ABCC1: variants seen among roughly 807,000 people sequenced by gnomAD.
ABCC1 encodes ATP binding cassette subfamily C member 1 (ABCC1 blood group).
A neutral mutation model predicts 172.9 loss-of-function variants in ABCC1; 83 were observed. That is an observed-to-expected ratio of 0.48 (90% CI 0.40 to 0.58). The LOEUF is 0.58. ABCC1 is among the 20% of genes least tolerant of loss of function. The pLI is 0.00. For missense variants in ABCC1, 1,817 were observed against 2,002.7 expected (o/e 0.91, Z 1.77); for synonymous variants, 937 against 825.2 (o/e 1.14, Z -2.32).
At chr16:15,995,425 A>G (rs1441027136) in intron 1 of ABCC1, among the ~76,000 whole-genome samples, 1 of 152,118 alleles carries the variant, frequency 6.6e-6, no homozygotes, top group Non-Finnish European at 1.5e-5. Flanking sequence ...TGTCTACCTG[A>G]TAAAGAACTA....
intron 21 of ABCC1, among the ~76,000 whole-genome samples, chr16:16,109,295 G>C (rs2052284027): frequency 6.6e-6 from 1 of 152,092 alleles, no homozygotes; most frequent in Non-Finnish European, 1.5e-5. Context: ...TCCTAGCTCA[G>C]CTTCCTGAGT....
At chr16:16,117,612 A>T (rs1040768953) in intron 23 of ABCC1, among the ~76,000 whole-genome samples, 7 of 152,138 alleles carry the variant, frequency 4.6e-5, no homozygotes, top group Admixed American at 1.3e-4. Context: ...CCCAGCAAAA[A>T]CTTTCAGTTG....
intron 5 of ABCC1, among the ~76,000 whole-genome samples, chr16:16,024,584 C>T (rs1246563725): frequency 6.6e-6 from 1 of 152,170 alleles, no homozygotes; most frequent in African/African-American, 2.4e-5. Flanking sequence ...AACTCCTGAG[C>T]TCAAGTGATG....
At chr16:16,000,870 A>G (rs969285358) in intron 1 of ABCC1, among the ~76,000 whole-genome samples, 3 of 152,196 alleles carry the variant, frequency 2.0e-5, no homozygotes, top group Non-Finnish European at 4.4e-5. Context: ...GAAGCTTTTT[A>G]AATGAGGTAC....
At chr16:16,015,130 A>ATTT (rs2047946907) in intron 4 of ABCC1, among the ~76,000 whole-genome samples, 22 of 88,998 alleles carry the variant, frequency 2.5e-4, no homozygotes, top group African/African-American at 9.8e-4. Flanking sequence ...AGGAGTGTGC[A>ATTT]CTTTTTTTTT....
rs536229189 is a variant in ABCC1 at position 16,111,822 on chromosome 16, A to G, written c.3079+240A>G. ...GAGTGCTCCAGTGTGCCCATTTTAC[A>G]GATGAGGACAGTTGAGAACAGAGGC... is the stretch of plus-strand genomic sequence containing the variant. On this transcript the variant is annotated intron_variant, in intron 22 of 30. Coordinates refer to ENST00000399410, the MANE Select transcript of ABCC1 (RefSeq NM_004996.4). Among the ~76,000 whole-genome samples the G allele has an allele frequency of 4.6e-5, 7 of 152,280 alleles. No individual in the cohort carries two copies. The East Asian group carries it at 9.6e-4, about 21-fold the overall frequency.
At chr16:16,020,369 G>C (rs1010076176) in intron 5 of ABCC1, among the ~76,000 whole-genome samples, 4 of 152,216 alleles carry the variant, frequency 2.6e-5, no homozygotes, top group Admixed American at 2.6e-4. Flanking sequence ...CTTCCCTCTG[G>C]GTTCCTGTTC....
intron 20 of ABCC1, among the ~76,000 whole-genome samples, chr16:16,104,408 C>G (rs1596506475): frequency 6.6e-6 from 1 of 152,100 alleles, no homozygotes; most frequent in Non-Finnish European, 1.5e-5. Context: ...CGTAAGTTCC[C>G]CACATCCCCA....
At chr16:16,133,485 C>G in intron 27 of ABCC1, among the ~76,000 whole-genome samples, 1 of 152,118 alleles carries the variant, frequency 6.6e-6, no homozygotes, top group East Asian at 1.9e-4. Context: ...CTCACTGCAA[C>G]CTCCGTCCCC....
At chr16:16,016,284 G>A (rs946717217) in intron 4 of ABCC1, among the ~76,000 whole-genome samples, 1 of 150,496 alleles carries the variant, frequency 6.6e-6, no homozygotes, top group Non-Finnish European at 1.5e-5. Flanking sequence ...CTCCCGAGTA[G>A]CTGGGATTAC....
At chr16:15,961,033 T>TG (rs890551129) in intron 1 of ABCC1, among the ~76,000 whole-genome samples, 2 of 135,546 alleles carry the variant, frequency 1.5e-5, no homozygotes, top group Non-Finnish European at 3.1e-5. Context: ...TTAAAATAGA[T>TG]GGGGGTCTTG....
In ABCC1 at chr16:16,130,309, T is replaced by C. The variant is rs114465721; in HGVS notation, c.3820-1480T>C. 3.3e-3 allele frequency among the ~76,000 whole-genome samples: 504 copies of C among 152,294 alleles called. 5 individuals are homozygous for C. The highest frequency in any genetic ancestry group is 0.012 in the African/African-American group (489 of 41,530). On this transcript the variant is annotated intron_variant, in intron 26 of 30. Coordinates refer to ENST00000399410, the MANE Select transcript of ABCC1 (RefSeq NM_004996.4). ...TGTCCAGAGAAGACCACTCATTTCA[T>C]TGACTCCATTTATAAATATTTATTT... is the stretch of plus-strand genomic sequence containing the variant.
chr16:16,106,970 AC>A, intron 21 of ABCC1, 97 bp downstream of exon 21: 3 of 1,506,774 alleles, frequency 2.0e-6, no homozygotes, highest in Non-Finnish European at 2.7e-6. Flanking sequence ...ATGTTAACTC[AC>A]CTGTCCATCA....
intron 1 of ABCC1, among the ~76,000 whole-genome samples, chr16:15,964,887 T>C (rs569438194): frequency 2.6e-5 from 4 of 152,334 alleles, no homozygotes; most frequent in African/African-American, 4.8e-5. Context: ...CAGCAATTTG[T>C]GTATTTTCAG....
At chr16:15,987,907 C>CT (rs1481959612) in intron 1 of ABCC1, among the ~76,000 whole-genome samples, 30 of 152,276 alleles carry the variant, frequency 2.0e-4, no homozygotes, top group Middle Eastern at 3.4e-3. Flanking sequence ...GTGTGCCCTT[C>CT]CTCCAGATGG....
At chr16:16,084,339 G>A in intron 17 of ABCC1, among the ~76,000 whole-genome samples, 1 of 151,552 alleles carries the variant, frequency 6.6e-6, no homozygotes, top group Non-Finnish European at 1.5e-5. Context: ...CTGACCTCAA[G>A]TGATCCGCTG....
chr16:15,957,980 C>G (rs2046037833), intron 1 of ABCC1, among the ~76,000 whole-genome samples: 1 of 152,236 alleles, frequency 6.6e-6, no homozygotes, highest in African/African-American at 2.4e-5. Context: ...AGCCCCAGGC[C>G]CACATTTATA....
At chr16:16,114,633 G>C (rs1297341634) in intron 22 of ABCC1, 133 bp from the exon 23 acceptor site, 1 of 897,864 alleles carries the variant, frequency 1.1e-6, no homozygotes, top group Non-Finnish European at 1.6e-6. Flanking sequence ...GAGCCACCAT[G>C]CCTGGTTCAT....
In ABCC1 at chr16:16,141,212, C is replaced by T. The variant is rs752185274; in HGVS notation, c.4527C>T (p.Gly1509=). The T allele has an allele frequency of 5.6e-6, 9 of 1,613,866 alleles. No individual in the cohort carries two copies. The African/African-American group carries it at 6.7e-5, about 12-fold the overall frequency. Residue 1509 remains glycine (G), a synonymous_variant, in exon 31 of 31, where the codon GGC becomes GGT. Transcript: ENST00000399410. ...ACAAAGGAGAAATCCAGGAGTACGGCGCCCCATCGGACCTCCTGCAGCAGA... is the reference window on the plus strand; with the variant it reads ...ACAAAGGAGAAATCCAGGAGTACGGTGCCCCATCGGACCTCCTGCAGCAGA... ...VLDKGEIQEY[G]APSDLLQQRG...
Sources: allele counts gnomAD v4.1 joint callset (sites outside exome capture counted in the v4.1 genomes callset), GRCh38; gene constraint gnomAD v4.1.1; transcripts MANE v1.5; gene names NCBI Gene and HGNC (gene_info 2026-07-23, HGNC 2026-07-21).